The following LRRK1 variants were observed in gnomAD, a reference collection of about 807,000 sequenced individuals.
The protein encoded by LRRK1 is leucine rich repeat kinase 1.
LRRK1 carries 113 observed loss-of-function variants against 209.1 expected under a neutral mutation model. The ratio of observed to expected loss-of-function variants is 0.54; its 90% CI spans 0.46 to 0.63. The LOEUF (loss-of-function observed/expected upper bound fraction) is 0.63. LRRK1 is among the 30% of genes least tolerant of loss of function. LRRK1 has a pLI of 0.00. For missense variants in LRRK1, 2,284 were observed against 2,632.2 expected, an observed-to-expected ratio of 0.87 and a Z score of 2.89; for synonymous variants, 1,144 against 1,099.7, an observed-to-expected ratio of 1.04 and a Z score of -0.80.
At position 101,008,960 on chromosome 15, in the gene LRRK1, G is replaced by C; in HGVS notation, c.886G>C (p.Val296Leu). 6.2e-7 allele frequency: 1 copy of C among 1,614,080 alleles called. No individual in the cohort carries two copies. The highest frequency in any genetic ancestry group is 8.5e-7 in the Non-Finnish European group (1 of 1,179,986). Reference protein sequence around the residue: ...SANCLATLPSVIPWGLINLRK... With the variant: ...SANCLATLPSLIPWGLINLRK... ...CAACTGCCTGGCGACCCTCCCCTCG[G>C]TTATCCCCTGGGGCCTCATCAATCT... The change falls in exon 7 of 34, where the codon GTT becomes CTT. Residue 296 changes from valine (V) to leucine (L), a missense_variant. Around this residue, in one of 6 missense-constraint regions of LRRK1, gnomAD observed 494 missense variants for 522.1 expected, o/e 0.95. Coordinates refer to ENST00000388948, the MANE Select transcript of LRRK1 (RefSeq NM_024652.6).
chr15:100,997,105 A>G (rs1294603406), intron 6 of LRRK1, among the ~76,000 whole-genome samples: 1 of 151,590 alleles, frequency 6.6e-6, no homozygotes, highest in Non-Finnish European at 1.5e-5. Flanking sequence ...TTATATCTAT[A>G]GAGACATATA....
intron 28 of LRRK1, 85 bp from the exon 29 acceptor site, chr15:101,057,905 T>G (rs1362906986): frequency 1.4e-6 from 2 of 1,431,214 alleles, no homozygotes; most frequent in African/African-American, 2.8e-5. Flanking sequence ...CCTCCCTGGT[T>G]GGGGCTGGCT....
intron 20 of LRRK1, among the ~76,000 whole-genome samples, chr15:101,042,989 T>A (rs1186502991): frequency 6.6e-6 from 1 of 152,226 alleles, no homozygotes; most frequent in Non-Finnish European, 1.5e-5. Context: ...TGCTCTGCCC[T>A]AAACCAGCTT....
At position 101,051,792 on chromosome 15, in the gene LRRK1, A is replaced by C. The variant is rs1472484324; in HGVS notation, c.3521A>C (p.Gln1174Pro). ...PCPVCETAWAQHTDPSEKSED... is the reference protein window; with the variant it reads ...PCPVCETAWAPHTDPSEKSED... ...CCGGTCTGCGAGACAGCCTGGGCCC[A>C]GCACACGGACCCCAGTGAGAAATCA... is the stretch of plus-strand genomic sequence containing the variant. The change falls in exon 24 of 34, where the codon CAG becomes CCG. Residue 1174 changes from glutamine (Q) to proline (P), a missense_variant. By Grantham distance (76) the Gln-to-Pro change is moderately conservative. Around this residue, in one of 6 missense-constraint regions of LRRK1, gnomAD observed 780 missense variants for 985.2 expected, o/e 0.79. Coordinates refer to ENST00000388948, the MANE Select transcript of LRRK1 (RefSeq NM_024652.6). The C allele has an allele frequency of 1.2e-6, 2 of 1,614,062 alleles. No individual in the cohort carries two copies. Among genetic ancestry groups the C allele is most frequent in the East Asian group, 4.5e-5 (2 of 44,882 alleles).
At chr15:100,972,348 G>C (rs2030952006) in intron 2 of LRRK1, among the ~76,000 whole-genome samples, 1 of 132,388 alleles carries the variant, frequency 7.6e-6, no homozygotes, top group Admixed American at 7.2e-5. Context: ...GAGAGAGAGA[G>C]AGAGAGAGAG....
intron 6 of LRRK1, among the ~76,000 whole-genome samples, chr15:101,007,960 G>C (rs1182845553): frequency 1.3e-5 from 2 of 151,920 alleles, no homozygotes; most frequent in African/African-American, 2.4e-5. Flanking sequence ...AGACCAGCCT[G>C]AGCTCGACGA....
At chr15:100,933,821 C>CAAAAAAAAAAAA (rs67129854) in intron 2 of LRRK1, among the ~76,000 whole-genome samples, 1 of 42,832 alleles carries the variant, frequency 2.3e-5, no homozygotes, top group African/African-American at 9.3e-5. Flanking sequence ...GACTCCATCT[C>CAAAAAAAAAAAA]AAAAAAAAAA....
At chr15:100,998,324 C>T (rs1361678492) in intron 6 of LRRK1, among the ~76,000 whole-genome samples, 2 of 152,126 alleles carry the variant, frequency 1.3e-5, no homozygotes, top group Non-Finnish European at 2.9e-5. Context: ...GCACACTGCT[C>T]CTCCTCGACC....
chr15:101,022,666 T>G lies in LRRK1; in HGVS notation c.2067+69T>G. The G allele has an allele frequency of 8.8e-7, 1 of 1,142,614 alleles. No individual in the cohort carries two copies. Among genetic ancestry groups the G allele is most frequent in the Non-Finnish European group, 1.2e-6 (1 of 808,040 alleles). The allele number at this position is 1,142,614 out of a possible 1,614,324, so 70.8% of individuals were successfully genotyped here. ...CATCCCTTGGACTCCTTCTCCCTTC[T>G]CCCCAGAGAGCCCAGGATTTTCTCA... On this transcript the variant is annotated intron_variant, in intron 15 of 33. Coordinates refer to ENST00000388948, the MANE Select transcript of LRRK1 (RefSeq NM_024652.6). The surrounding 1 kb of genome is among the most constrained non-coding windows in gnomAD (Gnocchi z 4.0).
In LRRK1 at chr15:101,010,665, T is replaced by C; in HGVS notation, c.1118-9T>C. 1 of 1,589,408 alleles carries C rather than the reference T, an allele frequency of 6.3e-7. No homozygotes were observed. The highest frequency in any genetic ancestry group is 8.5e-7 in the Non-Finnish European group (1 of 1,172,906). On this transcript the variant is annotated splice_polypyrimidine_tract_variant and intron_variant, in intron 8 of 33. Transcript: ENST00000388948. The stretch of plus-strand genomic sequence containing the variant: ...AATTCATACTTTGGGTCTTTTTTTT[T>C]TTTTTTAGCCACTAACTGGATAGGT...
At chr15:101,035,914 T>C (rs2034477310) in intron 20 of LRRK1, among the ~76,000 whole-genome samples, 1 of 152,212 alleles carries the variant, frequency 6.6e-6, no homozygotes, top group Non-Finnish European at 1.5e-5. Context: ...TGAGCAGTTC[T>C]TATAGGGCCA....
At chr15:101,012,770 C>T (rs977743341) in intron 10 of LRRK1, among the ~76,000 whole-genome samples, 2 of 152,218 alleles carry the variant, frequency 1.3e-5, no homozygotes, top group South Asian at 2.1e-4. Context: ...AGCGAAGGCC[C>T]CTTCAGCATG....
intron 5 of LRRK1, 27 bp from the exon 6 acceptor site, chr15:100,989,223 C>T: frequency 6.2e-7 from 1 of 1,608,466 alleles, no homozygotes; most frequent in African/African-American, 1.3e-5. Context: ...TCTGCATGCC[C>T]TTAGCTTTTT....
intron 2 of LRRK1, among the ~76,000 whole-genome samples, chr15:100,947,715 C>T (rs748075299): frequency 5.3e-5 from 8 of 152,078 alleles, no homozygotes; most frequent in South Asian, 2.1e-4. Context: ...ACTGGAAATG[C>T]CCTAAATGTT....
chr15:101,044,542 C>G (rs1396418491), intron 20 of LRRK1, among the ~76,000 whole-genome samples: 3 of 152,238 alleles, frequency 2.0e-5, no homozygotes, highest in Non-Finnish European at 4.4e-5. Context: ...GAGACCACTG[C>G]TTCCCTTGAG....
rs57333844 is a variant in LRRK1, at chr15:101,067,421, A to ATGTGTGTG, written c.5870+716_5870+723dup. 4.1e-3 allele frequency: 1,205 copies of ATGTGTGTG among 297,102 alleles called. 8 individuals carry two copies. Among genetic ancestry groups the ATGTGTGTG allele is most frequent in the East Asian group, 0.023 (243 of 10,514 alleles). The allele number at this position is 297,102 out of a possible 1,614,324, so 18.4% of individuals were successfully genotyped here. ...CCCCTACGAAAAGTCCTCAGTTCAA[A>ATGTGTGTG]TGTGTGTGTGTGTGTGTGTGTGTGT... On this transcript the variant is annotated intron_variant, in intron 33 of 33. Coordinates refer to ENST00000388948, the MANE Select transcript of LRRK1 (RefSeq NM_024652.6).
At chr15:101,039,317 T>C (rs2124397) in intron 20 of LRRK1, among the ~76,000 whole-genome samples, 146,530 of 152,330 alleles carry the variant, frequency 0.96, 70,708 homozygotes, top group East Asian at 1. Context: ...ATTCAGATTT[T>C]CTGCATCTTT....
intron 6 of LRRK1, among the ~76,000 whole-genome samples, chr15:100,997,210 G>T (rs117775691): frequency 1.2e-3 from 176 of 152,058 alleles, no homozygotes; most frequent in Non-Finnish European, 1.7e-3. Context: ...GAAATAACAT[G>T]AACATTAAAG....
intron 3 of LRRK1, among the ~76,000 whole-genome samples, chr15:100,975,706 T>A (rs2031254008): frequency 6.6e-6 from 1 of 152,234 alleles, no homozygotes; most frequent in Admixed American, 6.5e-5. Context: ...AGAAAGTATA[T>A]GGCTAATACC....
Sources: allele counts gnomAD v4.1 joint callset (sites outside exome capture counted in the v4.1 genomes callset), GRCh38; gene constraint gnomAD v4.1.1; regional missense constraint gnomAD v4.1.1; non-coding constraint Gnocchi (gnomAD v3.1); transcripts MANE v1.5; gene names NCBI Gene and HGNC (gene_info 2026-07-23, HGNC 2026-07-21).